The following LINGO2 variants were observed in gnomAD, a reference collection of about 807,000 sequenced individuals.
LINGO2 encodes leucine rich repeat and Ig domain containing 2.
Under a neutral mutation model 30.6 loss-of-function variants are expected in LINGO2, and 14 were observed. The observed-to-expected ratio is 0.46, with a 90% confidence interval of 0.30 to 0.72. LINGO2 has a LOEUF of 0.72. Among genes scored for constraint, LINGO2 ranks in the 30% least tolerant of loss-of-function variants. The pLI, the probability that LINGO2 is intolerant of heterozygous loss-of-function variation, is 0.07. For synonymous variants in LINGO2, 317 were observed against 288.5 expected, an observed-to-expected ratio of 1.10 and a Z score of -1.00; for missense variants, 729 against 751.7, an observed-to-expected ratio of 0.97 and a Z score of 0.35.
chr9:28,557,087 G>C lies in LINGO2; in HGVS notation c.-364-81062C>G, dbSNP rs535123029. On this transcript the variant is annotated intron_variant, in intron 1 of 5. Transcript: ENST00000379992. ...ATTACCATTCAGGACATAGGCATGG[G>C]CAAGGACTTCATGTCTAAAACACCA... Among the ~76,000 whole-genome samples, 1,446 of 152,152 alleles carry C rather than the reference G, an allele frequency of 9.5e-3. 10 individuals are homozygous for C. The highest frequency in any genetic ancestry group is 0.02 in the Middle Eastern group (6 of 294).
At position 28,561,782 on chromosome 9, in the gene LINGO2, A is replaced by ATAT. The variant is rs1563826654; in HGVS notation, c.-364-85758_-364-85757insATA. Among the ~76,000 whole-genome samples the ATAT allele has an allele frequency of 7.7e-3, 569 of 73,596 alleles. 91 individuals carry two copies. The highest frequency in any genetic ancestry group is 0.027 in the African/African-American group (370 of 13,896). 48.3% of individuals were successfully genotyped at this position (73,596 alleles called of 152,430 possible). On this transcript the variant is annotated intron_variant, in intron 1 of 5. Transcript: ENST00000379992. ...ATATATATATATATATATATATATA[A>ATAT]AAAATATGCTACTAGAACTGAAAAA... is the stretch of plus-strand genomic sequence containing the variant.
chr9:28,879,984 G>A, the LINGO2 span, among the ~76,000 whole-genome samples: 1 of 152,160 alleles, frequency 6.6e-6, no homozygotes, highest in Non-Finnish European at 1.5e-5. Context: ...ATAAAAGAAT[G>A]CCATTGAACT....
intron 1 of LINGO2, among the ~76,000 whole-genome samples, chr9:28,642,069 G>C (rs544972195): frequency 3.4e-4 from 51 of 150,912 alleles, no homozygotes; most frequent in Middle Eastern, 6.8e-3. Flanking sequence ...ATATATGTGT[G>C]TGTGTGTGTG....
At chr9:28,710,884 A>G in the LINGO2 span, among the ~76,000 whole-genome samples, 1 of 152,176 alleles carries the variant, frequency 6.6e-6, no homozygotes, top group Admixed American at 6.6e-5. Flanking sequence ...AAAGAAAAAC[A>G]GAGTGGGTAT....
chr9:28,233,272 A>G (rs1821438965), intron 4 of LINGO2, among the ~76,000 whole-genome samples: 1 of 151,710 alleles, frequency 6.6e-6, no homozygotes, highest in African/African-American at 2.4e-5. Flanking sequence ...AACTGAACAA[A>G]TGGGCTCCAG....
the LINGO2 span, among the ~76,000 whole-genome samples, chr9:29,200,951 G>A: frequency 6.6e-6 from 1 of 151,952 alleles, no homozygotes; most frequent in South Asian, 2.1e-4. Context: ...ATGCATTTCT[G>A]GGAGGAAGAC....
the LINGO2 span, among the ~76,000 whole-genome samples, chr9:29,070,676 T>C: frequency 1.3e-5 from 2 of 151,948 alleles, no homozygotes; most frequent in Non-Finnish European, 2.9e-5. Context: ...AGGATCTTGT[T>C]GTTAATGTGA....
chr9:28,831,995 G>A, the LINGO2 span, among the ~76,000 whole-genome samples: 1 of 152,076 alleles, frequency 6.6e-6, no homozygotes, highest in Admixed American at 6.6e-5. Context: ...AAAGGAGAAG[G>A]GAGGTCTTTT....
the LINGO2 span, among the ~76,000 whole-genome samples, chr9:29,008,387 A>G: frequency 1.2e-4 from 19 of 152,292 alleles, no homozygotes; most frequent in African/African-American, 4.6e-4. Context: ...CAAAAAACAT[A>G]CACGTGGATG....
At chr9:28,881,444 G>C in the LINGO2 span, among the ~76,000 whole-genome samples, 34 of 152,110 alleles carry the variant, frequency 2.2e-4, no homozygotes, top group South Asian at 7.0e-3. Context: ...TTTTAAATTT[G>C]TCAGTGATCC....
chr9:28,009,840 A>G (rs1275591204), intron 5 of LINGO2, among the ~76,000 whole-genome samples: 1 of 152,204 alleles, frequency 6.6e-6, no homozygotes, highest in Non-Finnish European at 1.5e-5. Context: ...ACATAGGTGT[A>G]CCACATAACC....
chr9:28,297,902 C>A (rs563047138), intron 3 of LINGO2, among the ~76,000 whole-genome samples: 2 of 152,298 alleles, frequency 1.3e-5, no homozygotes, highest in South Asian at 4.1e-4. Flanking sequence ...AGTTAACAGA[C>A]TTTTGTGTGT....
chr9:28,237,116 GC>G (rs796294540), intron 4 of LINGO2, among the ~76,000 whole-genome samples: 1,182 of 58,252 alleles, frequency 0.02, 33 homozygotes, highest in African/African-American at 0.071. Flanking sequence ...GTTAAACAGT[GC>G]GGGGGGGGGG....
the LINGO2 span, among the ~76,000 whole-genome samples, chr9:28,740,426 T>A: frequency 6.6e-6 from 1 of 151,848 alleles, no homozygotes; most frequent in African/African-American, 2.4e-5. Flanking sequence ...ATTTTAGGAG[T>A]CAGTTGACAG....
chr9:28,375,129 CACACATA>C (rs1297613315), intron 2 of LINGO2, among the ~76,000 whole-genome samples: 16 of 113,480 alleles, frequency 1.4e-4, no homozygotes, highest in Non-Finnish European at 1.3e-4. Context: ...CACACACACA[CACACATA>C]CACCCCACAC....
the LINGO2 span, among the ~76,000 whole-genome samples, chr9:28,796,014 A>ACACACACG: frequency 6.6e-6 from 1 of 150,380 alleles, no homozygotes; most frequent in African/African-American, 2.5e-5. Flanking sequence ...ACACACACAC[A>ACACACACG]CACAATTCAG....
intron 5 of LINGO2, among the ~76,000 whole-genome samples, chr9:27,974,455 AGAGTCACCTTCCTATT>A (rs1294305387): frequency 5.3e-5 from 8 of 150,908 alleles, no homozygotes; most frequent in Admixed American, 3.3e-4. Context: ...AACACAGCGC[AGAGTCACCTTCCTATT>A]GAGTCACCAA....
chr9:28,271,840 T>G (rs1232658633), intron 4 of LINGO2, among the ~76,000 whole-genome samples: 1 of 152,232 alleles, frequency 6.6e-6, no homozygotes, highest in Non-Finnish European at 1.5e-5. Flanking sequence ...ATCATTTCTG[T>G]GACCTAGGAA....
the LINGO2 span, among the ~76,000 whole-genome samples, chr9:28,837,461 C>G: frequency 6.6e-6 from 1 of 151,036 alleles, no homozygotes; most frequent in Non-Finnish European, 1.5e-5. Context: ...GCCTGACCAA[C>G]ATGGAGAAAC....
Sources: allele counts gnomAD v4.1 joint callset (sites outside exome capture counted in the v4.1 genomes callset), GRCh38; gene constraint gnomAD v4.1.1; transcripts MANE v1.5; gene names NCBI Gene and HGNC (gene_info 2026-07-23, HGNC 2026-07-21).